The following ROBO2 variants were observed in gnomAD, a reference collection of about 807,000 sequenced individuals.
The protein encoded by ROBO2 is roundabout homolog 2.
A neutral mutation model predicts 160.8 loss-of-function variants in ROBO2; 53 were observed. The ratio of observed to expected loss-of-function variants is 0.33; its 90% CI spans 0.26 to 0.41. The LOEUF (loss-of-function observed/expected upper bound fraction) is 0.41, where lower values mean the gene tolerates loss of function less well. ROBO2 is among the 10% of genes least tolerant of loss of function. The probability of loss-of-function intolerance (pLI) is 1.00; values close to 1 mark genes in which losing one functional copy is unlikely to be tolerated. For missense variants in ROBO2, 1,577 were observed against 1,722.4 expected, an observed-to-expected ratio of 0.92 and a Z score of 1.49; for synonymous variants, 664 against 611.7, an observed-to-expected ratio of 1.09 and a Z score of -1.26.
intron 2 of ROBO2, among the ~76,000 whole-genome samples, chr3:76,825,577 G>A (rs967289058): frequency 3.8e-5 from 5 of 130,206 alleles, no homozygotes; most frequent in African/African-American, 1.2e-4. Context: ...TCCAGTAATG[G>A]GAGTCTACCC....
chr3:76,048,638 A>G (rs574611389), intron 2 of ROBO2, among the ~76,000 whole-genome samples: 16 of 152,296 alleles, frequency 1.1e-4, no homozygotes, highest in African/African-American at 2.6e-4. Flanking sequence ...GAATTATACA[A>G]TATATTTTAA....
At chr3:76,324,548 A>T (rs1239385439) in intron 2 of ROBO2, among the ~76,000 whole-genome samples, 3 of 152,196 alleles carry the variant, frequency 2.0e-5, no homozygotes, top group Non-Finnish European at 2.9e-5. Context: ...ACCTGATAGC[A>T]TGTTTGCTAT....
At chr3:76,793,283 T>G (rs1322672850) in intron 2 of ROBO2, among the ~76,000 whole-genome samples, 1 of 151,910 alleles carries the variant, frequency 6.6e-6, no homozygotes, top group East Asian at 1.9e-4. Context: ...TTCATTATCC[T>G]AGAAGCCTCT....
chr3:76,703,009 G>C (rs536207093), intron 2 of ROBO2, among the ~76,000 whole-genome samples: 5 of 152,110 alleles, frequency 3.3e-5, no homozygotes, highest in Non-Finnish European at 7.4e-5. Context: ...ATCAGTGGAA[G>C]GGTCAAGCCT....
intron 2 of ROBO2, among the ~76,000 whole-genome samples, chr3:76,085,116 TACACAC>T (rs60546446): frequency 8.1e-5 from 11 of 135,778 alleles, no homozygotes; most frequent in African/African-American, 3.0e-4. Flanking sequence ...TATATATATA[TACACAC>T]ACACACACAC....
At chr3:77,090,141 A>G (rs1319042905) in intron 1 of ROBO2, among the ~76,000 whole-genome samples, 1 of 152,104 alleles carries the variant, frequency 6.6e-6, no homozygotes, top group Non-Finnish European at 1.5e-5. Context: ...ATCCTCAGCA[A>G]AGATAAACTA....
intron 2 of ROBO2, among the ~76,000 whole-genome samples, chr3:77,466,088 G>C (rs1481492000): frequency 6.6e-6 from 1 of 152,148 alleles, no homozygotes; most frequent in East Asian, 1.9e-4. Flanking sequence ...AGGTTACTGG[G>C]ATTGGGATAG....
intron 2 of ROBO2, among the ~76,000 whole-genome samples, chr3:76,168,930 AAGG>A (rs2072933817): frequency 6.6e-6 from 1 of 151,584 alleles, no homozygotes; most frequent in African/African-American, 2.4e-5. Flanking sequence ...CTTTGTTTTC[AAGG>A]AGTTTATATA....
chr3:75,913,487 G>A lies in ROBO2; in HGVS notation c.-14+6527G>A, dbSNP rs538847983. On this transcript the variant is annotated intron_variant, in intron 1 of 26. Coordinates refer to the ROBO2 transcript ENST00000487694. ...TTACGCATGGAAAAATAATGTATCT[G>A]TGGGGGTAACAATTTATTTTTGAAC... Among the ~76,000 whole-genome samples the A allele has an allele frequency of 4.6e-4, 70 of 152,272 alleles. No individual in the cohort carries two copies. In the South Asian group the frequency reaches 0.01, roughly 22 times the overall value.
chr3:76,577,068 A>G (rs2085353815), intron 2 of ROBO2, among the ~76,000 whole-genome samples: 1 of 152,078 alleles, frequency 6.6e-6, no homozygotes, highest in Non-Finnish European at 1.5e-5. Context: ...TCTTTATAAC[A>G]GAAGCATTGG....
chr3:76,243,746 A>G (rs1489157868), intron 2 of ROBO2, among the ~76,000 whole-genome samples: 1 of 152,190 alleles, frequency 6.6e-6, no homozygotes, highest in Non-Finnish European at 1.5e-5. Context: ...ATCTGCCCTC[A>G]ATATTTTTTT....
chr3:76,655,439 C>CATATACATATATATATTTATATATATAT (rs1553854507), intron 2 of ROBO2, among the ~76,000 whole-genome samples: 1 of 57,764 alleles, frequency 1.7e-5, no homozygotes, highest in Non-Finnish European at 3.5e-5. Context: ...GATTTTTTTC[C>CATATACATATATATATTTATATATATAT]ATATATATAT....
intron 9 of ROBO2, among the ~76,000 whole-genome samples, chr3:77,560,504 C>A (rs1403848): frequency 0.61 from 92,560 of 151,912 alleles, 28,643 homozygotes; most frequent in African/African-American, 0.7. Flanking sequence ...ACTGTCCTTA[C>A]AGGGAGACAG....
In ROBO2 at chr3:75,908,284, T is replaced by C. The variant is rs188695640; in HGVS notation, c.-14+1324T>C. Among the ~76,000 whole-genome samples the C allele has an allele frequency of 3.5e-4, 53 of 152,348 alleles. 1 individual carries two copies. The East Asian group carries it at 4.6e-3, about 13-fold the overall frequency. ...TAAAGGTTTCTCAGATTAAGATATA[T>C]GTATCTACTTTGTTAATCAAAGTAT... On this transcript the variant is annotated intron_variant, in intron 1 of 26. Transcript: ENST00000487694.
At chr3:77,243,135 G>T (rs1457560139) in intron 2 of ROBO2, among the ~76,000 whole-genome samples, 1 of 151,892 alleles carries the variant, frequency 6.6e-6, no homozygotes, top group Non-Finnish European at 1.5e-5. Context: ...ATAGCAAAGC[G>T]TCATCCATCT....
chr3:77,359,878 G>T (rs1325190120), intron 2 of ROBO2, among the ~76,000 whole-genome samples: 2 of 151,910 alleles, frequency 1.3e-5, no homozygotes, highest in South Asian at 4.1e-4. Flanking sequence ...TAGAGACTGG[G>T]TTTGACTCTC....
At chr3:77,398,578 T>C (rs1352732868) in intron 2 of ROBO2, among the ~76,000 whole-genome samples, 1 of 152,020 alleles carries the variant, frequency 6.6e-6, no homozygotes, top group Non-Finnish European at 1.5e-5. Flanking sequence ...TCTTTTTTCT[T>C]TGTATTTTAA....
intron 2 of ROBO2, among the ~76,000 whole-genome samples, chr3:76,989,053 T>C (rs2060530253): frequency 6.6e-6 from 1 of 152,150 alleles, no homozygotes; most frequent in African/African-American, 2.4e-5. Flanking sequence ...CTTAACATGA[T>C]AATTAAACAC....
chr3:77,235,805 A>G (rs1339391580), intron 2 of ROBO2, among the ~76,000 whole-genome samples: 1 of 152,204 alleles, frequency 6.6e-6, no homozygotes, highest in Non-Finnish European at 1.5e-5. Flanking sequence ...TTACAGTGAA[A>G]TTGAGAAGGT....
Sources: allele counts gnomAD v4.1 joint callset (sites outside exome capture counted in the v4.1 genomes callset), GRCh38; gene constraint gnomAD v4.1.1; transcripts MANE v1.5; gene names NCBI Gene and HGNC (gene_info 2026-07-23, HGNC 2026-07-21).